SPACA1: variants seen among roughly 807,000 people sequenced by gnomAD.
SPACA1 encodes sperm acrosome associated 1, also known as sperm acrosome membrane-associated protein 1.
Under a neutral mutation model 32.6 loss-of-function variants are expected in SPACA1, and 17 were observed. That is an observed-to-expected ratio of 0.52 (90% CI 0.36 to 0.78). The LOEUF is 0.78. Ranked by LOEUF, SPACA1 falls within the 30% of genes least tolerant of loss-of-function variation. The pLI is 0.01. For missense variants in SPACA1, 363 were observed against 373.4 expected (o/e 0.97, Z 0.23); for synonymous variants, 140 against 138.1 (o/e 1.01, Z -0.10).
Position 88,064,347 on chromosome 6 carries a change from T to C in SPACA1, c.731+128T>C, listed in dbSNP as rs1329409106. 4.4e-6 allele frequency: 4 copies of C among 904,608 alleles called. No homozygotes were observed. The Admixed American group carries it at 1.1e-4, about 25-fold the overall frequency. 56.0% of individuals were successfully genotyped at this position (904,608 alleles called of 1,614,324 possible). ...GTTGCCTTGAAACTGTCCATCGCCT[T>C]TCATTACTCCTGTGACTGCCCTAGT... On this transcript the variant is annotated intron_variant, in intron 6 of 6. Transcript: ENST00000237201.
At chr6:88,057,046 C>G (rs187546110) in intron 2 of SPACA1, among the ~76,000 whole-genome samples, 297 of 152,206 alleles carry the variant, frequency 2.0e-3, no homozygotes, top group Non-Finnish European at 3.1e-3. Context: ...CATGCTTCCC[C>G]AAAAAGTTCC....
chr6:88,051,104 G>A (rs1482145368), intron 1 of SPACA1, among the ~76,000 whole-genome samples: 1 of 151,218 alleles, frequency 6.6e-6, no homozygotes, highest in African/African-American at 2.4e-5. Flanking sequence ...CCGAGATTAC[G>A]CCACTGCACT....
intron 1 of SPACA1, among the ~76,000 whole-genome samples, chr6:88,051,519 A>G (rs1295931183): frequency 6.6e-6 from 1 of 152,228 alleles, no homozygotes; most frequent in Non-Finnish European, 1.5e-5. Context: ...GGCCACAACT[A>G]AAAGAGCAAG....
At chr6:88,053,581 G>A (rs1775762227) in intron 1 of SPACA1, among the ~76,000 whole-genome samples, 1 of 152,146 alleles carries the variant, frequency 6.6e-6, no homozygotes, top group Non-Finnish European at 1.5e-5. Context: ...TTGGAAAATA[G>A]AGAATAGAAA....
intron 6 of SPACA1, 148 bp from the exon 7 acceptor site, chr6:88,066,034 A>G (rs757968450): frequency 3.1e-5 from 16 of 520,408 alleles, no homozygotes; most frequent in Non-Finnish European, 4.7e-5. Context: ...TGTACAGGTT[A>G]TATATATTTG....
Position 88,057,724 on chromosome 6 carries a change from T to A in SPACA1, c.367+11T>A. 1 of 1,608,810 alleles carries A rather than the reference T, an allele frequency of 6.2e-7. No homozygotes were observed. The highest frequency in any genetic ancestry group is 8.5e-7 in the Non-Finnish European group (1 of 1,175,208). ...CAACAGATTGTGGCTGTGAGTTGAA[T>A]TATGTATTGGAGGGAGACTGTGGGC... On this transcript the variant is annotated intron_variant, in intron 3 of 6. Coordinates refer to ENST00000237201, the MANE Select transcript of SPACA1 (RefSeq NM_030960.3).
At chr6:88,050,962 A>G (rs773404611) in intron 1 of SPACA1, among the ~76,000 whole-genome samples, 10 of 151,974 alleles carry the variant, frequency 6.6e-5, no homozygotes, top group Non-Finnish European at 1.2e-4. Context: ...CCTGGCTAAC[A>G]CGGTGAAACC....
chr6:88,054,045 CG>C lies in SPACA1; in HGVS notation c.265+48del, dbSNP rs566006131. The C allele has an allele frequency of 9.4e-5, 149 of 1,579,130 alleles. 2 individuals carry two copies. The South Asian group carries it at 1.6e-3, about 17-fold the overall frequency. On this transcript the variant is annotated intron_variant, in intron 2 of 6. Coordinates refer to ENST00000237201, the MANE Select transcript of SPACA1 (RefSeq NM_030960.3). ...GATGAATAAACCATGTTGTAATTTG[CG>C]GGGGAGGAAAGGTAAAAGCAGATAG... is the stretch of plus-strand genomic sequence containing the variant.
upstream of SPACA1, among the ~76,000 whole-genome samples, chr6:88,047,249 C>T (rs1775650749): frequency 6.6e-6 from 1 of 152,056 alleles, no homozygotes; most frequent in Admixed American, 6.6e-5. Context: ...ATTTTTGGGG[C>T]GAGTCATTTC....
intron 2 of SPACA1, 117 bp downstream of exon 2, chr6:88,054,119 T>G (rs1415081401): frequency 1.3e-6 from 1 of 757,110 alleles, no homozygotes; most frequent in Non-Finnish European, 2.2e-6. Flanking sequence ...TCATGGATTT[T>G]TATTTCTAAT....
Position 88,059,529 on chromosome 6 carries a change from A to T in SPACA1, c.551A>T (p.Asp184Val). 6.2e-7 allele frequency: 1 copy of T among 1,613,418 alleles called. No individual in the cohort carries two copies. Among genetic ancestry groups the T allele is most frequent in the Non-Finnish European group, 8.5e-7 (1 of 1,179,530 alleles). The part of the protein sequence containing the change: ...KESHPLAFEC[D>V]TLDNNEIVAT... ...AGTCACCCCTTGGCTTTCGAGTGTG[A>T]CACACTGGATAATAATGAAATAGTA... Residue 184 changes from aspartate to valine, a missense_variant, in exon 5 of 7, where the codon GAC (aspartate) becomes GTC (valine). Asp to Val is a radical substitution (Grantham distance 152). Coordinates refer to ENST00000237201, the MANE Select transcript of SPACA1 (RefSeq NM_030960.3).
At chr6:88,057,002 A>G (rs1178147387) in intron 2 of SPACA1, among the ~76,000 whole-genome samples, 1 of 152,180 alleles carries the variant, frequency 6.6e-6, no homozygotes, top group East Asian at 1.9e-4. Context: ...TTATGCTAAA[A>G]TGTGATTTTT....
chr6:88,051,638 T>C (rs1013665576), intron 1 of SPACA1, among the ~76,000 whole-genome samples: 1 of 152,244 alleles, frequency 6.6e-6, no homozygotes, highest in African/African-American at 2.4e-5. Flanking sequence ...GAATTCACTA[T>C]TGAACTCTCC....
chr6:88,065,454 A>G (rs1429390928), intron 6 of SPACA1, among the ~76,000 whole-genome samples: 1 of 148,076 alleles, frequency 6.8e-6, no homozygotes, highest in Admixed American at 6.8e-5. Context: ...TATATACTAT[A>G]TGTACACATA....
rs1310640507 is a variant in SPACA1 at position 88,048,130 on chromosome 6, C to T, written c.208+17C>T. ...CCGAGGATGGTGAGGGCGGGAGCTC[C>T]CTTGCGGGGCACGCGGAGGCCCCTG... On this transcript the variant is annotated intron_variant, in intron 1 of 6. Coordinates refer to ENST00000237201, the MANE Select transcript of SPACA1 (RefSeq NM_030960.3). 1.3e-6 allele frequency: 2 copies of T among 1,569,534 alleles called. No individual in the cohort carries two copies. The highest frequency in any genetic ancestry group is 2.7e-5 in the African/African-American group (2 of 74,472).
intron 1 of SPACA1, among the ~76,000 whole-genome samples, chr6:88,050,188 C>T (rs184887524): frequency 1.2e-3 from 189 of 152,264 alleles, no homozygotes; most frequent in Admixed American, 2.0e-3. Context: ...GAAAGAATAC[C>T]GTCCTCATCC....
At position 88,054,046 on chromosome 6, in the gene SPACA1, G is replaced by T. The variant is rs376328392; in HGVS notation, c.265+44G>T. ...ATGAATAAACCATGTTGTAATTTGC[G>T]GGGGAGGAAAGGTAAAAGCAGATAG... On this transcript the variant is annotated intron_variant, in intron 2 of 6. Coordinates refer to ENST00000237201, the MANE Select transcript of SPACA1 (RefSeq NM_030960.3). 7.0e-6 allele frequency: 11 copies of T among 1,581,098 alleles called. No individual in the cohort carries two copies. In the East Asian group the frequency reaches 2.0e-4, roughly 29 times the overall value.
intron 6 of SPACA1, among the ~76,000 whole-genome samples, chr6:88,064,820 A>T (rs1323920947): frequency 6.7e-6 from 1 of 148,238 alleles, no homozygotes; most frequent in Non-Finnish European, 1.5e-5. Flanking sequence ...TACATATATC[A>T]TATATAGGTC....
rs923612940 is a variant in SPACA1, at chr6:88,061,899, C to A, written c.611-2200C>A. ...TACCTGTAAAAATAGTCTAGGTGAC[C>A]CTTGCAAGACTACTGTTGTAATAAA... is the stretch of plus-strand genomic sequence containing the variant. On this transcript the variant is annotated intron_variant, in intron 5 of 6. Transcript: ENST00000237201. Among the ~76,000 whole-genome samples the A allele has an allele frequency of 3.2e-4, 49 of 151,882 alleles. 1 individual carries two copies. The highest frequency in any genetic ancestry group is 1.2e-3 in the African/African-American group (48 of 41,326).
Sources: gnomAD v4.1 joint callset for allele counts (sites outside exome capture counted in the v4.1 genomes callset) on GRCh38, gnomAD v4.1.1 for gene constraint, MANE v1.5 for transcripts, NCBI Gene and HGNC (gene_info 2026-07-23, HGNC 2026-07-21) for gene names.